The following EXOC6B variants were observed in gnomAD, a reference collection of about 807,000 sequenced individuals.
EXOC6B encodes the protein SEC15 homolog B.
Under a neutral mutation model 113.5 loss-of-function variants are expected in EXOC6B, and 54 were observed. The ratio of observed to expected loss-of-function variants is 0.48; its 90% CI spans 0.38 to 0.60. The LOEUF (loss-of-function observed/expected upper bound fraction) is 0.60, where lower values mean the gene tolerates loss of function less well. Ranked by LOEUF, EXOC6B falls within the 20% of genes least tolerant of loss-of-function variation. The pLI is 0.00. For missense variants in EXOC6B, 797 were observed against 977.5 expected, an observed-to-expected ratio of 0.82 and a Z score of 2.46; for synonymous variants, 357 against 339.0, an observed-to-expected ratio of 1.05 and a Z score of -0.58.
At chr2:72,544,377 G>A (rs911921336) in intron 8 of EXOC6B, among the ~76,000 whole-genome samples, 7 of 151,704 alleles carry the variant, frequency 4.6e-5, no homozygotes, top group African/African-American at 1.2e-4. Context: ...CAAGAAAAAC[G>A]TATATGTTTC....
intron 20 of EXOC6B, among the ~76,000 whole-genome samples, chr2:72,303,779 A>C (rs1686674626): frequency 6.6e-6 from 1 of 152,094 alleles, no homozygotes; most frequent in East Asian, 1.9e-4. Flanking sequence ...GTGTTGCTGG[A>C]GTTCTTGAAT....
intron 18 of EXOC6B, among the ~76,000 whole-genome samples, chr2:72,428,195 G>A (rs929111045): frequency 6.6e-6 from 1 of 152,144 alleles, no homozygotes; most frequent in Admixed American, 6.5e-5. Flanking sequence ...CCCACCAAAT[G>A]GCATGGCTAA....
In EXOC6B at chr2:72,465,216, G is replaced by C. The variant is rs763202389; in HGVS notation, c.1924C>G (p.Leu642Val). Residue 642 changes from leucine (L) to valine (V), a missense_variant, in exon 18 of 22, where the codon CTG (leucine) becomes GTG (valine). Transcript: ENST00000272427. ...GDLGNKASDY[L>V]VDLIAFLRST... ...CGAAGAAAGGCAATGAGGTCTACCA[G>C]GTAATCACTAGCTTTGTTGCCCAAA... is the stretch of plus-strand genomic sequence containing the variant. 1 of 1,612,026 alleles carries C rather than the reference G, an allele frequency of 6.2e-7. No homozygotes were observed. The highest frequency in any genetic ancestry group is 2.2e-5 in the East Asian group (1 of 44,810).
At chr2:72,691,808 AGTAGCT>A (rs1248235515) in intron 6 of EXOC6B, among the ~76,000 whole-genome samples, 2 of 151,388 alleles carry the variant, frequency 1.3e-5, no homozygotes, top group Non-Finnish European at 2.9e-5. Context: ...CAGCCTCCTG[AGTAGCT>A]GGGATTACGG....
At chr2:72,782,756 T>A (rs1263563232) in intron 1 of EXOC6B, among the ~76,000 whole-genome samples, 1 of 150,460 alleles carries the variant, frequency 6.6e-6, no homozygotes, top group Non-Finnish European at 1.5e-5. Flanking sequence ...AGTTCCCACA[T>A]ATGAGTGACA....
chr2:72,299,916 C>A (rs1160170147), intron 20 of EXOC6B, among the ~76,000 whole-genome samples: 1 of 152,118 alleles, frequency 6.6e-6, no homozygotes, highest in African/African-American at 2.4e-5. Flanking sequence ...CTGGAAACTT[C>A]GTCCCAGAGC....
chr2:72,455,136 A>G (rs533324886), intron 18 of EXOC6B, among the ~76,000 whole-genome samples: 1 of 152,304 alleles, frequency 6.6e-6, no homozygotes, highest in East Asian at 1.9e-4. Flanking sequence ...TGTGTCCTAA[A>G]GGATCTGATG....
At chr2:72,272,305 A>G (rs1684541901) in intron 20 of EXOC6B, among the ~76,000 whole-genome samples, 1 of 152,154 alleles carries the variant, frequency 6.6e-6, no homozygotes, top group African/African-American at 2.4e-5. Context: ...CCTGTCATCT[A>G]GGGAAAATAA....
At chr2:72,698,242 C>G (rs541956894) in intron 6 of EXOC6B, among the ~76,000 whole-genome samples, 2 of 152,106 alleles carry the variant, frequency 1.3e-5, no homozygotes, top group African/African-American at 2.4e-5. Flanking sequence ...AAGGAATCAC[C>G]GCTTCCTCTG....
In EXOC6B at chr2:72,544,398, G is replaced by A. The variant is rs945928580; in HGVS notation, c.915+15055C>T. On this transcript the variant is annotated intron_variant, in intron 8 of 21. Coordinates refer to ENST00000272427, the MANE Select transcript of EXOC6B (RefSeq NM_015189.3). ...AAACGTATATGTTTCAAATAAACAT[G>A]ACGGATTTTTTTTAAAACTGAGTCC... Among the ~76,000 whole-genome samples the A allele has an allele frequency of 2.0e-5, 3 of 151,772 alleles. No homozygotes were observed. In the East Asian group the frequency reaches 5.8e-4, roughly 29 times the overall value.
chr2:72,458,425 G>C (rs1023580590), intron 18 of EXOC6B, among the ~76,000 whole-genome samples: 4 of 152,118 alleles, frequency 2.6e-5, no homozygotes, highest in Admixed American at 2.0e-4. Context: ...GAAGTCATCT[G>C]ATTCTAGAGA....
intron 18 of EXOC6B, among the ~76,000 whole-genome samples, chr2:72,405,533 G>C (rs534287092): frequency 6.6e-6 from 1 of 152,218 alleles, no homozygotes; most frequent in African/African-American, 2.4e-5. Flanking sequence ...CCAGAAGAGA[G>C]TGGGGGCCAA....
At chr2:72,385,328 T>TAA (rs1691938373) in intron 18 of EXOC6B, among the ~76,000 whole-genome samples, 2 of 151,840 alleles carry the variant, frequency 1.3e-5, no homozygotes, top group African/African-American at 4.8e-5. Flanking sequence ...AATTAGTCCC[T>TAA]CATCTCACAT....
chr2:72,254,082 C>T (rs1683192960), intron 20 of EXOC6B, among the ~76,000 whole-genome samples: 1 of 151,908 alleles, frequency 6.6e-6, no homozygotes, highest in Non-Finnish European at 1.5e-5. Flanking sequence ...ATGGTGTGAA[C>T]CCAGGAGGAG....
intron 20 of EXOC6B, among the ~76,000 whole-genome samples, chr2:72,263,945 G>A (rs1683893243): frequency 6.6e-6 from 1 of 152,194 alleles, no homozygotes; most frequent in Admixed American, 6.5e-5. Context: ...AGACAGGCAG[G>A]CAGAATGCTA....
chr2:72,594,456 C>T (rs1669940310), intron 6 of EXOC6B, among the ~76,000 whole-genome samples: 1 of 152,150 alleles, frequency 6.6e-6, no homozygotes, highest in African/African-American at 2.4e-5. Context: ...TTTACAATGA[C>T]CTATCTAAAT....
intron 1 of EXOC6B, among the ~76,000 whole-genome samples, chr2:72,778,586 G>A (rs1683845857): frequency 6.6e-6 from 1 of 152,208 alleles, no homozygotes; most frequent in Non-Finnish European, 1.5e-5. Flanking sequence ...ATACACTGGT[G>A]AGGAGGCCCT....
intron 6 of EXOC6B, among the ~76,000 whole-genome samples, chr2:72,640,993 A>G (rs1673181690): frequency 6.6e-6 from 1 of 152,240 alleles, no homozygotes; most frequent in Non-Finnish European, 1.5e-5. Flanking sequence ...AGGCCTTCAA[A>G]GACACTTAGA....
At chr2:72,378,394 TC>T (rs1164948742) in intron 19 of EXOC6B, among the ~76,000 whole-genome samples, 1 of 152,228 alleles carries the variant, frequency 6.6e-6, no homozygotes, top group Middle Eastern at 3.2e-3. Flanking sequence ...GGCTCTGCTT[TC>T]CTGTGTTACT....
Sources: gnomAD v4.1 joint callset for allele counts (sites outside exome capture counted in the v4.1 genomes callset) on GRCh38, gnomAD v4.1.1 for gene constraint, MANE v1.5 for transcripts, NCBI Gene and HGNC (gene_info 2026-07-23, HGNC 2026-07-21) for gene names.